Variants in NMS observed in about 807,000 individuals in gnomAD.
The protein encoded by NMS is neuromedin-S.
In NMS, 30 loss-of-function variants were observed where a neutral mutation model predicts 32.2. The ratio of observed to expected loss-of-function variants is 0.93; its 90% CI spans 0.70 to 1.26. NMS has a LOEUF of 1.26. Among genes scored for constraint, NMS ranks in the 50% most tolerant of loss-of-function variants. The pLI, the probability that NMS is intolerant of heterozygous loss-of-function variation, is 0.00. For synonymous variants in NMS, 76 were observed against 58.5 expected, an observed-to-expected ratio of 1.30 and a Z score of -1.37; for missense variants, 190 against 186.3, an observed-to-expected ratio of 1.02 and a Z score of -0.12.
At chr2:100,476,454 A>C (rs146612352) in intron 3 of NMS, among the ~76,000 whole-genome samples, 1 of 152,206 alleles carries the variant, frequency 6.6e-6, no homozygotes, top group African/African-American at 2.4e-5. Context: ...TTCTCCACAA[A>C]GTTTGCAGAA....
At chr2:100,481,754 G>A (rs758883678) in intron 8 of NMS, among the ~76,000 whole-genome samples, 4 of 152,188 alleles carry the variant, frequency 2.6e-5, no homozygotes, top group African/African-American at 7.2e-5. Context: ...CACTGCACCC[G>A]ACATTTGTGA....
chr2:100,482,329 A>G lies in NMS; in HGVS notation c.449+18A>G. On this transcript the variant is annotated intron_variant, in intron 9 of 9. Coordinates refer to ENST00000376865, the MANE Select transcript of NMS (RefSeq NM_001011717.1). ...GAGGCCCAGTAGGTAGTCCAAGATC[A>G]GCTTCATCACCCTTTTTCTCTTTCA... is the stretch of plus-strand genomic sequence containing the variant. The G allele has an allele frequency of 6.2e-7, 1 of 1,612,284 alleles. No individual in the cohort carries two copies. Among genetic ancestry groups the G allele is most frequent in the Non-Finnish European group, 8.5e-7 (1 of 1,178,474 alleles).
At position 100,480,370 on chromosome 2, in the gene NMS, C is replaced by A. The variant is rs188680679; in HGVS notation, c.337-126C>A. On this transcript the variant is annotated intron_variant, in intron 6 of 9. Coordinates refer to ENST00000376865, the MANE Select transcript of NMS (RefSeq NM_001011717.1). ...TCCCACCATTTGCCATGCTCTCCAC[C>A]TCCTCTTTTGCACCAGACTTCTGAC... The A allele has an allele frequency of 1.9e-5, 18 of 925,274 alleles. No individual in the cohort carries two copies. In the East Asian group the frequency reaches 4.2e-4, roughly 22 times the overall value. 57.3% of individuals were successfully genotyped at this position (925,274 alleles called of 1,614,324 possible). A position where few individuals can be genotyped will look rare whatever the true frequency, so the allele number is the denominator to read the frequency against.
intron 8 of NMS, among the ~76,000 whole-genome samples, chr2:100,481,640 GA>G (rs1677218022): frequency 1.3e-5 from 2 of 152,162 alleles, no homozygotes; most frequent in South Asian, 2.1e-4. Context: ...TATTTGCACA[GA>G]AAAAATGAGC....
chr2:100,474,789 C>T (rs1478994467), intron 3 of NMS, among the ~76,000 whole-genome samples: 1 of 152,144 alleles, frequency 6.6e-6, no homozygotes, highest in Non-Finnish European at 1.5e-5. Context: ...TACATCAGGC[C>T]CATTTCTTCT....
At chr2:100,481,258 C>T in intron 8 of NMS, 91 bp downstream of exon 8, 1 of 1,206,636 alleles carries the variant, frequency 8.3e-7, no homozygotes, top group Non-Finnish European at 1.2e-6. Flanking sequence ...GAGCCAGGAC[C>T]CCTTGGTAAA....
Position 100,479,385 on chromosome 2 carries a change from T to C in NMS, c.294T>C (p.Ala98=). ...FPPVHPLMHL[A]AKLANRRMKR... is the part of the protein sequence containing the mutation. ...CAGTGCATCCTCTAATGCACCTGGC[T>C]GCCAAGCTCGCCAACAGGCGGATGA... The change falls in exon 6 of 10, where the codon GCT becomes GCC. Residue 98 remains alanine, a synonymous_variant. Coordinates refer to ENST00000376865, the MANE Select transcript of NMS (RefSeq NM_001011717.1). 2 of 1,611,566 alleles carry C rather than the reference T, an allele frequency of 1.2e-6. No individual in the cohort carries two copies. The highest frequency in any genetic ancestry group is 1.7e-6 in the Non-Finnish European group (2 of 1,178,896).
chr2:100,479,412 G>A lies in NMS; in HGVS notation c.321G>A (p.Lys107=). The change falls in exon 6 of 10, where the codon AAG becomes AAA. Residue 107 remains lysine (K), a synonymous_variant. Coordinates refer to ENST00000376865, the MANE Select transcript of NMS (RefSeq NM_001011717.1). ...CCAAGCTCGCCAACAGGCGGATGAAGAGAATTCTGCAGCGAGTACGTGCTT... is the reference window on the plus strand; with the variant it reads ...CCAAGCTCGCCAACAGGCGGATGAAAAGAATTCTGCAGCGAGTACGTGCTT... ...LAAKLANRRM[K]RILQRGSGTA... 4 of 1,611,270 alleles carry A rather than the reference G, an allele frequency of 2.5e-6. No individual in the cohort carries two copies. Among genetic ancestry groups the A allele is most frequent in the African/African-American group, 1.3e-5 (1 of 74,998 alleles).
intron 1 of NMS, among the ~76,000 whole-genome samples, chr2:100,471,127 G>A (rs1677000322): frequency 1.3e-5 from 2 of 152,132 alleles, no homozygotes; most frequent in African/African-American, 4.8e-5. Context: ...TGCGGGCATC[G>A]CCTCACCGAC....
chr2:100,473,471 C>A lies in NMS; in HGVS notation c.133-18C>A, dbSNP rs765105313. ...CCCCCTCATCCCTTTGATTTGTTTT[C>A]TTCATTTTATTTTTTAGCAGCTGGC... On this transcript the variant is annotated intron_variant, in intron 2 of 9. Coordinates refer to ENST00000376865, the MANE Select transcript of NMS (RefSeq NM_001011717.1). The A allele has an allele frequency of 2.0e-6, 3 of 1,471,712 alleles. No individual in the cohort carries two copies. The highest frequency in any genetic ancestry group is 2.7e-6 in the Non-Finnish European group (3 of 1,096,964). The allele number at this position is 1,471,712 out of a possible 1,614,324, so 91.2% of individuals were successfully genotyped here.
At position 100,471,254 on chromosome 2, in the gene NMS, AAC is replaced by A. The variant is rs1677002407; in HGVS notation, c.76+694_76+695del. Among the ~76,000 whole-genome samples the A allele has an allele frequency of 5.9e-5, 9 of 152,348 alleles. No homozygotes were observed. In the South Asian group the frequency reaches 1.9e-3, roughly 32 times the overall value. ...CGGTGGCAGAACAACTACGGTTGGA[AAC>A]ACATACCATTTTACATTTTTCCATT... On this transcript the variant is annotated intron_variant, in intron 1 of 9. Transcript: ENST00000376865.
chr2:100,479,395 G>A lies in NMS; in HGVS notation c.304G>A (p.Ala102Thr), dbSNP rs1198354512. 6.2e-7 allele frequency: 1 copy of A among 1,610,814 alleles called. No individual in the cohort carries two copies. Among genetic ancestry groups the A allele is most frequent in the South Asian group, 1.1e-5 (1 of 90,262 alleles). Residue 102 changes from alanine to threonine, a missense_variant, in exon 6 of 10, where the codon GCC (alanine) becomes ACC (threonine). Transcript: ENST00000376865. ...TCTAATGCACCTGGCTGCCAAGCTC[G>A]CCAACAGGCGGATGAAGAGAATTCT... Reference protein sequence around the residue: ...HPLMHLAAKLANRRMKRILQR... With the variant: ...HPLMHLAAKLTNRRMKRILQR...
intron 2 of NMS, 40 bp from the exon 3 acceptor site, chr2:100,473,449 C>G (rs1677043075): frequency 1.6e-6 from 2 of 1,257,118 alleles, no homozygotes; most frequent in Non-Finnish European, 2.2e-6. Flanking sequence ...TCTTCATCCC[C>G]CTCATCCCTT....
intron 2 of NMS, 86 bp downstream of exon 2, chr2:100,472,936 T>G: frequency 1.1e-6 from 1 of 905,652 alleles, no homozygotes; most frequent in Non-Finnish European, 1.7e-6. Flanking sequence ...AAAACTATTT[T>G]GAGATCAGAT....
intron 3 of NMS, 97 bp from the exon 4 acceptor site, chr2:100,477,147 T>C: frequency 1.0e-6 from 1 of 957,006 alleles, no homozygotes; most frequent in East Asian, 2.5e-5. Flanking sequence ...GTCAGGTAAA[T>C]CCACTAAGGT....
chr2:100,474,185 C>A (rs1677062669), intron 3 of NMS, among the ~76,000 whole-genome samples: 1 of 152,096 alleles, frequency 6.6e-6, no homozygotes, highest in Non-Finnish European at 1.5e-5. Flanking sequence ...AAACAAAAAA[C>A]TTTACAGTAA....
intron 4 of NMS, 37 bp downstream of exon 4, chr2:100,477,304 T>C (rs112031134): frequency 1.2e-6 from 2 of 1,611,162 alleles, no homozygotes; most frequent in South Asian, 2.2e-5. Flanking sequence ...TGCATGCAGC[T>C]TCCATGTTTA....
rs776611426 is a variant in NMS at position 100,479,405 on chromosome 2, G to A, written c.314G>A (p.Arg105Gln). Residue 105 changes from arginine to glutamine, a missense_variant, in exon 6 of 10, where the codon CGG becomes CAG. Arg to Gln is a conservative substitution (Grantham distance 43, BLOSUM62 1). Transcript: ENST00000376865. ...MHLAAKLANR[R>Q]MKRILQRGSG... ...CTGGCTGCCAAGCTCGCCAACAGGC[G>A]GATGAAGAGAATTCTGCAGCGAGTA... 5.6e-6 allele frequency: 9 copies of A among 1,610,824 alleles called. No homozygotes were observed. Among genetic ancestry groups the A allele is most frequent in the South Asian group, 1.1e-5 (1 of 90,302 alleles).
At chr2:100,480,595 T>C in intron 7 of NMS, 64 bp downstream of exon 7, 1 of 1,571,918 alleles carries the variant, frequency 6.4e-7, no homozygotes, top group South Asian at 1.1e-5. Flanking sequence ...GGTGGGGAAG[T>C]CCTTGGAGCC....
Sources: gnomAD v4.1 joint callset for allele counts (sites outside exome capture counted in the v4.1 genomes callset) on GRCh38, gnomAD v4.1.1 for gene constraint, MANE v1.5 for transcripts, NCBI Gene and HGNC (gene_info 2026-07-23, HGNC 2026-07-21) for gene names.